Variants in ZCWPW2 observed in about 807,000 individuals in gnomAD.
The protein encoded by ZCWPW2 is zinc finger CW-type and PWWP domain containing 2, also known as zinc finger CW-type PWWP domain protein 2.
A neutral mutation model predicts 46.6 loss-of-function variants in ZCWPW2; 45 were observed. The ratio of observed to expected loss-of-function variants is 0.96; its 90% CI spans 0.76 to 1.24. ZCWPW2 has a LOEUF of 1.24. Ranked by LOEUF, ZCWPW2 falls within the 50% of genes most tolerant of loss-of-function variation. The pLI is 0.00. For missense variants in ZCWPW2, 429 were observed against 403.9 expected (o/e 1.06, Z -0.53); for synonymous variants, 152 against 137.1 (o/e 1.11, Z -0.76).
At chr3:28,375,739 ATT>A (rs36058066) in intron 1 of ZCWPW2, among the ~76,000 whole-genome samples, 2 of 146,116 alleles carry the variant, frequency 1.4e-5, no homozygotes. Flanking sequence ...CATTCTTTCT[ATT>A]TTTTTTTTTT....
At chr3:28,382,286 A>G (rs138303771) in intron 1 of ZCWPW2, among the ~76,000 whole-genome samples, 12 of 152,018 alleles carry the variant, frequency 7.9e-5, no homozygotes, top group African/African-American at 2.9e-4. Flanking sequence ...TGAGGGAAGG[A>G]TCTGTTTCAG....
chr3:28,447,810 G>T, intron 4 of ZCWPW2: 1 of 931,544 alleles, frequency 1.1e-6, no homozygotes. Context: ...CCTGGCAATA[G>T]AATTGTTTAC....
At chr3:28,407,192 T>C (rs1306245883) in intron 2 of ZCWPW2, among the ~76,000 whole-genome samples, 1 of 152,204 alleles carries the variant, frequency 6.6e-6, no homozygotes, top group Non-Finnish European at 1.5e-5. Flanking sequence ...CTTTTCAGGT[T>C]CAGCTCAAAT....
chr3:28,514,155 A>G, intron 7 of ZCWPW2, 33 bp downstream of exon 7: 4 of 1,365,696 alleles, frequency 2.9e-6, no homozygotes, highest in Non-Finnish European at 4.0e-6. Flanking sequence ...GTATTATGAT[A>G]AAATTGAAAT....
chr3:28,429,712 G>T (rs751407573), intron 3 of ZCWPW2, among the ~76,000 whole-genome samples: 2 of 152,128 alleles, frequency 1.3e-5, no homozygotes, highest in Non-Finnish European at 2.9e-5. Flanking sequence ...TCACGGGCCG[G>T]GCCCAGTGCC....
At chr3:28,516,931 G>A (rs1271655173) in intron 8 of ZCWPW2, among the ~76,000 whole-genome samples, 1 of 152,150 alleles carries the variant, frequency 6.6e-6, no homozygotes, top group African/African-American at 2.4e-5. Context: ...AGGATCACCT[G>A]AGCCCAGGAG....
At chr3:28,510,140 C>T (rs1009363427) in intron 6 of ZCWPW2, among the ~76,000 whole-genome samples, 7 of 152,138 alleles carry the variant, frequency 4.6e-5, no homozygotes, top group African/African-American at 1.4e-4. Context: ...TTTTTCTGGA[C>T]TCCCAATTCT....
intron 8 of ZCWPW2, 21 bp downstream of exon 8, chr3:28,515,642 CT>C: frequency 6.3e-7 from 1 of 1,582,616 alleles, no homozygotes; most frequent in Non-Finnish European, 8.6e-7. Context: ...GCCTGTCCTG[CT>C]TTTAGTTCTT....
rs1398531697 is a variant in ZCWPW2, at chr3:28,362,286, A to C, written c.-134+13083A>C. Among the ~76,000 whole-genome samples the C allele has an allele frequency of 3.3e-5, 5 of 151,484 alleles. No individual in the cohort carries two copies. The South Asian group carries it at 8.3e-4, about 25-fold the overall frequency. ...CAATACTGTACACTTAAAATTTTTA[A>C]AGAATAGGTTTCATATTATATTATT... On this transcript the variant is annotated intron_variant, in intron 1 of 9. Transcript: ENST00000383768.
chr3:28,441,271 C>G (rs1479493479), intron 4 of ZCWPW2, among the ~76,000 whole-genome samples: 1 of 152,170 alleles, frequency 6.6e-6, no homozygotes. Flanking sequence ...ATCCACATAC[C>G]TCTTCCCCAA....
Position 28,354,138 on chromosome 3 carries a change from TAAC to T in ZCWPW2, c.-134+4940_-134+4942del, listed in dbSNP as rs533092678. Among the ~76,000 whole-genome samples, 384 of 151,968 alleles carry T rather than the reference TAAC, an allele frequency of 2.5e-3. 1 individual carries two copies. Among genetic ancestry groups the T allele is most frequent in the African/African-American group, 8.4e-3 (348 of 41,456 alleles). On this transcript the variant is annotated intron_variant, in intron 1 of 9. Coordinates refer to ENST00000383768, the MANE Select transcript of ZCWPW2 (RefSeq NM_001040432.4). ...CATTGACAAAGAGCTGTGTGAAATT[TAAC>T]AACATGATAAGAAATTCCCTTTCAT... is the stretch of plus-strand genomic sequence containing the variant.
At chr3:28,373,290 C>T (rs561282655) in intron 1 of ZCWPW2, among the ~76,000 whole-genome samples, 1 of 152,250 alleles carries the variant, frequency 6.6e-6, no homozygotes, top group South Asian at 2.1e-4. Context: ...AGGAGGGTTC[C>T]CCTTTCTCCA....
At chr3:28,352,985 A>G (rs1412375842) in intron 1 of ZCWPW2, among the ~76,000 whole-genome samples, 1 of 152,064 alleles carries the variant, frequency 6.6e-6, no homozygotes, top group Non-Finnish European at 1.5e-5. Context: ...GGAGTTAAAG[A>G]CCAGCCTGGA....
chr3:28,403,311 G>T (rs1473204814), intron 2 of ZCWPW2, among the ~76,000 whole-genome samples: 1 of 151,538 alleles, frequency 6.6e-6, no homozygotes, highest in Non-Finnish European at 1.5e-5. Flanking sequence ...GCTGAAAAAA[G>T]AAATTACTTA....
intron 4 of ZCWPW2, among the ~76,000 whole-genome samples, chr3:28,439,780 A>G (rs1697672157): frequency 1.3e-5 from 2 of 152,218 alleles, no homozygotes; most frequent in Non-Finnish European, 1.5e-5. Flanking sequence ...TAAAGGAAAA[A>G]GGAAATAAAA....
intron 6 of ZCWPW2, among the ~76,000 whole-genome samples, chr3:28,505,635 A>G (rs1025629424): frequency 6.6e-6 from 1 of 152,084 alleles, no homozygotes; most frequent in Non-Finnish European, 1.5e-5. Flanking sequence ...TTCTAAGCAG[A>G]TTTTTCAAAG....
chr3:28,355,993 A>C (rs1418928414), intron 1 of ZCWPW2, among the ~76,000 whole-genome samples: 1 of 152,268 alleles, frequency 6.6e-6, no homozygotes, highest in Non-Finnish European at 1.5e-5. Flanking sequence ...GCCAGAATTG[A>C]CAAATGGAAT....
intron 4 of ZCWPW2, among the ~76,000 whole-genome samples, chr3:28,455,785 A>G (rs1698400007): frequency 6.6e-6 from 1 of 152,132 alleles, no homozygotes; most frequent in Non-Finnish European, 1.5e-5. Context: ...GTTTAAGATC[A>G]GATAACTTAG....
At chr3:28,516,780 G>A (rs1222735683) in intron 8 of ZCWPW2, among the ~76,000 whole-genome samples, 2 of 152,034 alleles carry the variant, frequency 1.3e-5, no homozygotes, top group African/African-American at 4.8e-5. Context: ...GCTGAGGTGG[G>A]AGGATCCCTT....
Sources: allele counts gnomAD v4.1 joint callset (sites outside exome capture counted in the v4.1 genomes callset), GRCh38; gene constraint gnomAD v4.1.1; transcripts MANE v1.5; gene names NCBI Gene and HGNC (gene_info 2026-07-23, HGNC 2026-07-21).